Variants in GALNT13 observed in about 807,000 individuals in gnomAD.
The protein encoded by GALNT13 is polypeptide N-acetylgalactosaminyltransferase 13, also known as UDP-GalNAc:polypeptide N-acetylgalactosaminyltransferase 13.
In GALNT13, 28 loss-of-function variants were observed where a neutral mutation model predicts 64.2. The ratio of observed to expected loss-of-function variants is 0.44; its 90% confidence interval spans 0.32 to 0.60. GALNT13 has a LOEUF of 0.60. Among genes scored for constraint, GALNT13 ranks in the 20% least tolerant of loss-of-function variants. GALNT13 has a pLI of 0.05. For synonymous variants in GALNT13, 214 were observed against 224.6 expected (o/e 0.95, Z 0.42); for missense variants, 577 against 669.8 (o/e 0.86, Z 1.53).
chr2:154,137,302 A>AACACACACACACAC (rs112665813), intron 3 of GALNT13, among the ~76,000 whole-genome samples: 7 of 148,886 alleles, frequency 4.7e-5, no homozygotes, highest in African/African-American at 1.7e-4. Context: ...ACACAGGCAA[A>AACACACACACACAC]ACACACACAC....
chr2:154,328,391 G>A (rs568713262), intron 9 of GALNT13, among the ~76,000 whole-genome samples: 2 of 152,200 alleles, frequency 1.3e-5, no homozygotes, highest in East Asian at 3.9e-4. Flanking sequence ...GGCATATAAT[G>A]TTCTATGGTG....
the GALNT13 span, among the ~76,000 whole-genome samples, chr2:153,394,026 C>T: frequency 6.6e-6 from 1 of 151,036 alleles, no homozygotes; most frequent in Non-Finnish European, 1.5e-5. Context: ...GGAACCTTGA[C>T]TAATATAGGC....
At chr2:154,301,130 A>G (rs547475348) in intron 8 of GALNT13, among the ~76,000 whole-genome samples, 2 of 152,302 alleles carry the variant, frequency 1.3e-5, no homozygotes, top group East Asian at 3.9e-4. Context: ...CTAACTAGCA[A>G]TTAGGTTAAC....
chr2:153,876,073 A>C (rs1309056349), intron 1 of GALNT13, among the ~76,000 whole-genome samples: 1 of 152,060 alleles, frequency 6.6e-6, no homozygotes, highest in African/African-American at 2.4e-5. Context: ...CTTTGGTTCT[A>C]AATCCTTCCC....
At chr2:153,412,266 G>C in the GALNT13 span, among the ~76,000 whole-genome samples, 24 of 152,072 alleles carry the variant, frequency 1.6e-4, no homozygotes, top group Admixed American at 1.6e-3. Flanking sequence ...AAAAAAGCTT[G>C]GGTTTTTTAA....
the GALNT13 span, among the ~76,000 whole-genome samples, chr2:153,533,723 C>CTTTTTTTTTTTTTT: frequency 0.011 from 515 of 48,642 alleles, 84 homozygotes; most frequent in East Asian, 0.034. Flanking sequence ...TGAGGTTTTT[C>CTTTTTTTTTTTTTT]TTTTTTTTTT....
At chr2:153,404,986 T>G in the GALNT13 span, among the ~76,000 whole-genome samples, 1 of 152,212 alleles carries the variant, frequency 6.6e-6, no homozygotes, top group Non-Finnish European at 1.5e-5. Flanking sequence ...TCACATTTCC[T>G]GCAGATATCC....
chr2:153,614,045 G>A, the GALNT13 span, among the ~76,000 whole-genome samples: 1 of 151,894 alleles, frequency 6.6e-6, no homozygotes, highest in East Asian at 1.9e-4. Flanking sequence ...GTTTTGTTGA[G>A]TATTTCCCAA....
In GALNT13 at chr2:154,350,479, G is replaced by A. The variant is rs187726190; in HGVS notation, c.1157-45512G>A. 1.1e-4 allele frequency among the ~76,000 whole-genome samples: 17 copies of A among 152,234 alleles called. No homozygotes were observed. The East Asian group carries it at 2.1e-3, about 19-fold the overall frequency. The stretch of plus-strand genomic sequence containing the variant: ...CACCAGTGGTTTGCCAGGGGCTCTC[G>A]GGCTTTCAGCCACAGATTGAAGGCT... On this transcript the variant is annotated intron_variant, in intron 9 of 12. Transcript: ENST00000392825.
intron 3 of GALNT13, among the ~76,000 whole-genome samples, chr2:153,985,122 C>T (rs1694709967): frequency 6.6e-6 from 1 of 151,954 alleles, no homozygotes; most frequent in South Asian, 2.1e-4. Context: ...AAAAAGTAAA[C>T]TTTCTGTAAG....
chr2:153,090,609 G>A, the GALNT13 span, among the ~76,000 whole-genome samples: 20 of 151,962 alleles, frequency 1.3e-4, no homozygotes, highest in South Asian at 2.9e-3. Flanking sequence ...AAGAGAGTAC[G>A]AACTGCTTTA....
intron 9 of GALNT13, among the ~76,000 whole-genome samples, chr2:154,322,161 T>A (rs1694659483): frequency 6.9e-6 from 1 of 145,052 alleles, no homozygotes; most frequent in Non-Finnish European, 1.5e-5. Flanking sequence ...TTTTTTTTTT[T>A]TTTTTTTTTT....
chr2:154,198,047 C>T (rs1160320785), intron 4 of GALNT13, among the ~76,000 whole-genome samples: 2 of 151,750 alleles, frequency 1.3e-5, no homozygotes, highest in African/African-American at 4.8e-5. Flanking sequence ...TAGATATTCC[C>T]AGACATAACA....
chr2:153,913,408 G>A (rs1392150559), intron 2 of GALNT13, among the ~76,000 whole-genome samples: 1 of 152,110 alleles, frequency 6.6e-6, no homozygotes, highest in African/African-American at 2.4e-5. Context: ...CTGTCTCATG[G>A]GCAAAACAGC....
At chr2:154,259,231 G>C (rs1347903170) in intron 8 of GALNT13, 93 bp downstream of exon 8, 1 of 739,578 alleles carries the variant, frequency 1.4e-6, no homozygotes, top group Non-Finnish European at 2.3e-6. Context: ...AATCATTTTT[G>C]CTGAGTGATG....
chr2:153,408,807 A>G, the GALNT13 span, among the ~76,000 whole-genome samples: 2 of 152,132 alleles, frequency 1.3e-5, no homozygotes, highest in Non-Finnish European at 2.9e-5. Context: ...GATGCAAAGT[A>G]CTGTTCCTGG....
the GALNT13 span, among the ~76,000 whole-genome samples, chr2:153,429,360 T>C: frequency 6.6e-6 from 1 of 152,218 alleles, no homozygotes; most frequent in Non-Finnish European, 1.5e-5. Context: ...ACTGTGAACT[T>C]AGTGAATTGA....
the GALNT13 span, among the ~76,000 whole-genome samples, chr2:153,141,715 G>A: frequency 2.0e-5 from 3 of 151,976 alleles, no homozygotes; most frequent in Admixed American, 6.6e-5. Flanking sequence ...CACTAGTTAC[G>A]ACTGTTTTGC....
chr2:153,439,908 G>A, the GALNT13 span, among the ~76,000 whole-genome samples: 4,444 of 152,250 alleles, frequency 0.029, 112 homozygotes, highest in Middle Eastern at 0.048. Context: ...TTTCTGTGTC[G>A]CTCACGCTGG....
Sources: allele counts gnomAD v4.1 joint callset (sites outside exome capture counted in the v4.1 genomes callset), GRCh38; gene constraint gnomAD v4.1.1; transcripts MANE v1.5; gene names NCBI Gene and HGNC (gene_info 2026-07-23, HGNC 2026-07-21).